The following RBFOX1 variants were observed in gnomAD, a reference collection of about 807,000 sequenced individuals.
RBFOX1 encodes RNA binding fox-1 homolog 1.
A neutral mutation model predicts 57.7 loss-of-function variants in RBFOX1; 8 were observed. The observed-to-expected ratio is 0.14, with a 90% CI of 0.08 to 0.25. RBFOX1 has a LOEUF of 0.25. RBFOX1 is among the 10% of genes least tolerant of loss of function. The pLI, the probability that RBFOX1 is intolerant of heterozygous loss-of-function variation, is 1.00. For missense variants in RBFOX1, 611 were observed against 548.5 expected (o/e 1.11, Z -1.14); for synonymous variants, 326 against 222.4 (o/e 1.47, Z -4.15).
At chr16:6,642,784 C>T (rs1262516927) in intron 2 of RBFOX1, among the ~76,000 whole-genome samples, 1 of 152,098 alleles carries the variant, frequency 6.6e-6, no homozygotes, top group African/African-American at 2.4e-5. Flanking sequence ...AAGATATTTA[C>T]TGTCAGAGAA....
intron 2 of RBFOX1, among the ~76,000 whole-genome samples, chr16:6,554,082 G>A (rs2097048127): frequency 6.6e-6 from 1 of 152,020 alleles, no homozygotes; most frequent in Admixed American, 6.5e-5. Context: ...TAACATAACA[G>A]TTTAATGTCT....
chr16:7,169,633 CAG>C (rs1243888920), intron 4 of RBFOX1, among the ~76,000 whole-genome samples: 5 of 152,198 alleles, frequency 3.3e-5, no homozygotes, highest in Admixed American at 1.3e-4. Flanking sequence ...AGTGAAGAAA[CAG>C]AAATTCAGAG....
intron 2 of RBFOX1, among the ~76,000 whole-genome samples, chr16:5,468,969 C>T (rs2069043001): frequency 2.0e-5 from 3 of 152,226 alleles, no homozygotes; most frequent in Admixed American, 2.0e-4. Flanking sequence ...ATATTTATAC[C>T]TTTTCCCTTG....
intron 3 of RBFOX1, among the ~76,000 whole-genome samples, chr16:5,650,207 G>A (rs2049189382): frequency 6.6e-6 from 1 of 152,170 alleles, no homozygotes; most frequent in Non-Finnish European, 1.5e-5. Context: ...AATCTTACCT[G>A]AGCAAACAGA....
intron 1 of RBFOX1, among the ~76,000 whole-genome samples, chr16:6,194,474 C>G (rs572088193): frequency 4.6e-5 from 7 of 152,304 alleles, no homozygotes; most frequent in African/African-American, 1.7e-4. Flanking sequence ...CCTTGTTTCT[C>G]TCTTTCAAGA....
intron 2 of RBFOX1, among the ~76,000 whole-genome samples, chr16:6,642,843 A>G (rs1315282432): frequency 6.6e-6 from 1 of 152,140 alleles, no homozygotes; most frequent in Non-Finnish European, 1.5e-5. Context: ...TTATAAAGTC[A>G]GCAGCTCTGC....
At chr16:7,027,465 G>C (rs1223767946) in intron 3 of RBFOX1, among the ~76,000 whole-genome samples, 4 of 152,052 alleles carry the variant, frequency 2.6e-5, no homozygotes, top group African/African-American at 9.7e-5. Flanking sequence ...AGATTGGGTA[G>C]GTAACTTGCC....
chr16:7,019,748 T>TA (rs1568396187), intron 3 of RBFOX1, among the ~76,000 whole-genome samples: 1 of 152,196 alleles, frequency 6.6e-6, no homozygotes, highest in Non-Finnish European at 1.5e-5. Flanking sequence ...ACTGCATGTT[T>TA]ATGGGCTTTG....
At chr16:5,523,083 C>T (rs28781685) in intron 2 of RBFOX1, among the ~76,000 whole-genome samples, 7,146 of 151,920 alleles carry the variant, frequency 0.047, 586 homozygotes, top group African/African-American at 0.16. Flanking sequence ...GTCAGGAGTT[C>T]GAGACTAGCC....
At chr16:6,907,336 A>G (rs1285109015) in intron 3 of RBFOX1, among the ~76,000 whole-genome samples, 3 of 152,276 alleles carry the variant, frequency 2.0e-5, no homozygotes, top group East Asian at 3.9e-4. Context: ...CTTCACTCAG[A>G]GAAACAGTGT....
intron 3 of RBFOX1, among the ~76,000 whole-genome samples, chr16:6,753,078 TA>T (rs35392674): frequency 2.6e-5 from 4 of 151,710 alleles, no homozygotes; most frequent in East Asian, 1.9e-4. Flanking sequence ...AGTAATGGCA[TA>T]AAAAAATACA....
chr16:7,055,515 G>GC (rs1281845892), intron 4 of RBFOX1, among the ~76,000 whole-genome samples: 3 of 152,064 alleles, frequency 2.0e-5, no homozygotes, highest in Admixed American at 2.0e-4. Flanking sequence ...TTCTCACAGG[G>GC]CAGCACTCTC....
intron 3 of RBFOX1, among the ~76,000 whole-genome samples, chr16:6,720,642 C>A (rs1375553828): frequency 2.0e-5 from 3 of 151,884 alleles, no homozygotes; most frequent in Non-Finnish European, 4.4e-5. Flanking sequence ...AGAGACGTGT[C>A]GGGAGAATAG....
rs1567210156 is a variant in RBFOX1 at position 6,779,919 on chromosome 16, A to ATATATATTTATATATATTTATATATT, written c.-16+125294_-16+125295insTTATATATTTATATATATTTATATAT. On this transcript the variant is annotated intron_variant, in intron 3 of 15. Coordinates refer to ENST00000550418, the MANE Select transcript of RBFOX1 (RefSeq NM_018723.4). ...TATATTTATATATATTTATATATTT[A>ATATATATTTATATATATTTATATATT]TATATATTTATATATATTTATATAT... 5.2e-4 allele frequency among the ~76,000 whole-genome samples: 2 copies of ATATATATTTATATATATTTATATATT among 3,816 alleles called. 1 individual carries two copies. The highest frequency in any genetic ancestry group is 9.5e-4 in the Non-Finnish European group (2 of 2,108). 2.5% of individuals were successfully genotyped at this position (3,816 alleles called of 152,430 possible). A position where few individuals can be genotyped will look rare whatever the true frequency, so the allele number is the denominator to read the frequency against.
chr16:7,142,414 G>C (rs970605808), intron 4 of RBFOX1, among the ~76,000 whole-genome samples: 2 of 152,052 alleles, frequency 1.3e-5, no homozygotes, highest in Non-Finnish European at 1.5e-5. Flanking sequence ...ATGTCATTTC[G>C]TGTCACTCTT....
At chr16:7,572,142 G>A (rs1244080858) in intron 5 of RBFOX1, among the ~76,000 whole-genome samples, 1 of 152,060 alleles carries the variant, frequency 6.6e-6, no homozygotes, top group Non-Finnish European at 1.5e-5. Flanking sequence ...AAAACTGATG[G>A]TTATTAATAC....
chr16:7,542,638 T>C (rs2083255229), intron 5 of RBFOX1, among the ~76,000 whole-genome samples: 1 of 146,080 alleles, frequency 6.8e-6, no homozygotes, highest in Admixed American at 7.1e-5. Flanking sequence ...GTGGATCACT[T>C]GAAGCCAGGA....
intron 4 of RBFOX1, among the ~76,000 whole-genome samples, chr16:7,112,428 A>G (rs1434624490): frequency 6.7e-6 from 1 of 148,566 alleles, no homozygotes; most frequent in Middle Eastern, 3.3e-3. Flanking sequence ...GGCCAGGCTG[A>G]ACTCCTGGCC....
At chr16:6,228,484 A>G (rs547652236) in intron 1 of RBFOX1, among the ~76,000 whole-genome samples, 1 of 152,246 alleles carries the variant, frequency 6.6e-6, no homozygotes, top group Non-Finnish European at 1.5e-5. Flanking sequence ...TCAGCCTTCA[A>G]AAAAGAAGGA....
Sources: gnomAD v4.1 joint callset for allele counts (sites outside exome capture counted in the v4.1 genomes callset) on GRCh38, gnomAD v4.1.1 for gene constraint, MANE v1.5 for transcripts, NCBI Gene and HGNC (gene_info 2026-07-23, HGNC 2026-07-21) for gene names.